Variants in ADGRL2 observed in about 807,000 individuals in gnomAD.
The protein encoded by ADGRL2 is calcium-independent alpha-latrotoxin receptor 2.
In ADGRL2, 44 loss-of-function variants were observed where a neutral mutation model predicts 157.4. The observed-to-expected ratio is 0.28, with a 90% CI of 0.22 to 0.36. ADGRL2 has a LOEUF of 0.36. Ranked by LOEUF, ADGRL2 falls within the 10% of genes least tolerant of loss-of-function variation. ADGRL2 has a pLI of 1.00. For synonymous variants in ADGRL2, 585 were observed against 624.7 expected (o/e 0.94, Z 0.95); for missense variants, 1,510 against 1,768.9 (o/e 0.85, Z 2.63).
At chr1:81,379,990 C>T (rs150713859) in intron 1 of ADGRL2, among the ~76,000 whole-genome samples, 10 of 152,284 alleles carry the variant, frequency 6.6e-5, no homozygotes, top group Non-Finnish European at 1.5e-4. Context: ...ATCATTTAAA[C>T]GGACGTGTCC....
At chr1:81,601,383 G>T (rs554563073) in intron 3 of ADGRL2, among the ~76,000 whole-genome samples, 2 of 152,134 alleles carry the variant, frequency 1.3e-5, no homozygotes, top group African/African-American at 2.4e-5. Context: ...TCAGTCAGAG[G>T]CTCCTGGGGA....
intron 2 of ADGRL2, among the ~76,000 whole-genome samples, chr1:81,452,754 G>A (rs1003549081): frequency 7.9e-5 from 12 of 152,096 alleles, no homozygotes; most frequent in Non-Finnish European, 1.6e-4. Flanking sequence ...TTGGAAAACC[G>A]CTGAGTATAT....
At position 81,969,365 on chromosome 1, in the gene ADGRL2, G is replaced by T. The variant is rs778847227; in HGVS notation, c.2711G>T (p.Gly904Val). The T allele has an allele frequency of 1.9e-6, 3 of 1,613,360 alleles. No homozygotes were observed. Residue 904 changes from glycine (G) to valine (V), a missense_variant, in exon 15 of 24, where the codon GGC becomes GTC. Physicochemically the swap from Gly to Val is moderately radical, Grantham distance 109. Around this residue, in one of 4 missense-constraint regions of ADGRL2, gnomAD observed 497 missense variants for 627.2 expected, o/e 0.79. Coordinates refer to ENST00000686636, the MANE Select transcript of ADGRL2 (RefSeq NM_001366006.2). ...ATTGCTGAATTTATTTTCCTAATAG[G>T]CATTGATAAGACAAAATATGCGGTA... Reference protein sequence around the residue: ...LFIAEFIFLIGIDKTKYAIAC... With the variant: ...LFIAEFIFLIVIDKTKYAIAC...
chr1:81,669,176 C>G (rs1220585166), intron 3 of ADGRL2, among the ~76,000 whole-genome samples: 3 of 151,898 alleles, frequency 2.0e-5, no homozygotes, highest in Non-Finnish European at 4.4e-5. Flanking sequence ...AACAAATACA[C>G]CTAAATTACA....
intron 2 of ADGRL2, among the ~76,000 whole-genome samples, chr1:81,529,976 A>G (rs1182704530): frequency 1.3e-5 from 2 of 152,214 alleles, no homozygotes; most frequent in African/African-American, 4.8e-5. Flanking sequence ...CACAAGAGAA[A>G]CTGTATACGC....
At chr1:81,565,644 A>C (rs904812203) in intron 2 of ADGRL2, among the ~76,000 whole-genome samples, 6 of 152,158 alleles carry the variant, frequency 3.9e-5, no homozygotes, top group Admixed American at 2.0e-4. Flanking sequence ...GCCCCTAGTT[A>C]AAATGTTCCT....
chr1:81,903,954 T>G (rs1213797545), intron 2 of ADGRL2, among the ~76,000 whole-genome samples: 1 of 151,716 alleles, frequency 6.6e-6, no homozygotes, highest in East Asian at 1.9e-4. Flanking sequence ...ATTGACAATT[T>G]AAATATTTTT....
At chr1:81,968,342 C>G (rs1179060879) in intron 14 of ADGRL2, 143 bp downstream of exon 14, 1 of 695,328 alleles carries the variant, frequency 1.4e-6, no homozygotes, top group Non-Finnish European at 2.4e-6. Context: ...TCTACACTGT[C>G]CATAAATTTT....
intron 2 of ADGRL2, chr1:81,502,499 C>T: frequency 6.2e-7 from 1 of 1,613,972 alleles, no homozygotes; most frequent in Non-Finnish European, 8.5e-7. Flanking sequence ...CAACCGAATC[C>T]CCATCATGGC....
rs146510971 is a variant in ADGRL2, at chr1:81,565,915, A to G, written c.-247-14961A>G. 6.5e-4 allele frequency among the ~76,000 whole-genome samples: 99 copies of G among 152,298 alleles called. 6 individuals carry two copies. In the East Asian group the frequency reaches 9.7e-3, roughly 15 times the overall value. ...CTCAAACTTGATTTGTGTGCACTGA[A>G]GTACCTTGGAAGGTGATGCGATTGA... On this transcript the variant is annotated intron_variant, in intron 2 of 24. Coordinates refer to the ADGRL2 transcript ENST00000370721.
chr1:81,418,351 G>C (rs1443254853), intron 1 of ADGRL2, among the ~76,000 whole-genome samples: 2 of 152,200 alleles, frequency 1.3e-5, no homozygotes, highest in Non-Finnish European at 2.9e-5. Context: ...TTTCTGTGGT[G>C]GCATTTCTGC....
At chr1:81,713,352 T>A (rs954683330) in intron 1 of ADGRL2, among the ~76,000 whole-genome samples, 3 of 152,156 alleles carry the variant, frequency 2.0e-5, no homozygotes, top group Non-Finnish European at 4.4e-5. Flanking sequence ...TGCTCCTAAT[T>A]CCTGATTGTT....
chr1:81,855,845 G>GA (rs2093184191), intron 2 of ADGRL2, among the ~76,000 whole-genome samples: 1 of 152,102 alleles, frequency 6.6e-6, no homozygotes, highest in African/African-American at 2.4e-5. Context: ...TGAGAGACTA[G>GA]AAAAAATATT....
At chr1:81,810,608 T>TA (rs1229230958) in intron 1 of ADGRL2, among the ~76,000 whole-genome samples, 1 of 151,910 alleles carries the variant, frequency 6.6e-6, no homozygotes, top group Non-Finnish European at 1.5e-5. Context: ...TTCCTATGGT[T>TA]AAAATCTAAG....
At chr1:81,791,031 C>A (rs1433004276) in intron 2 of ADGRL2, among the ~76,000 whole-genome samples, 5 of 117,328 alleles carry the variant, frequency 4.3e-5, no homozygotes, top group Non-Finnish European at 6.5e-5. Context: ...GGCAACACTG[C>A]ATTCCAGCCT....
At chr1:81,857,806 A>AT (rs2093254698) in intron 2 of ADGRL2, among the ~76,000 whole-genome samples, 1 of 152,234 alleles carries the variant, frequency 6.6e-6, no homozygotes, top group African/African-American at 2.4e-5. Flanking sequence ...TTAAAAATCC[A>AT]TTTTTTGGCA....
chr1:81,659,100 C>T (rs1259122243), intron 3 of ADGRL2, among the ~76,000 whole-genome samples: 1 of 114,596 alleles, frequency 8.7e-6, no homozygotes, highest in Non-Finnish European at 1.7e-5. Context: ...CTCGCTCTGT[C>T]ATCCAGGCTG....
intron 1 of ADGRL2, among the ~76,000 whole-genome samples, chr1:81,356,952 C>CAAAAA (rs757239865): frequency 6.8e-4 from 38 of 55,668 alleles, no homozygotes; most frequent in African/African-American, 8.1e-4. Flanking sequence ...GACTCCGTCT[C>CAAAAA]AAAAAAAAAA....
intron 1 of ADGRL2, among the ~76,000 whole-genome samples, chr1:81,323,689 G>C (rs772192250): frequency 6.6e-5 from 10 of 152,112 alleles, no homozygotes; most frequent in Non-Finnish European, 1.3e-4. Context: ...AAATAAATAA[G>C]CTGATCAGAT....
Sources: allele counts gnomAD v4.1 joint callset (sites outside exome capture counted in the v4.1 genomes callset), GRCh38; gene constraint gnomAD v4.1.1; regional missense constraint gnomAD v4.1.1; transcripts MANE v1.5; gene names NCBI Gene and HGNC (gene_info 2026-07-23, HGNC 2026-07-21).